The following NXPE2 variants were observed in gnomAD, a reference collection of about 807,000 sequenced individuals.
The protein encoded by NXPE2 is NXPE family member 2.
A neutral mutation model predicts 34.4 loss-of-function variants in NXPE2; 34 were observed. That is an observed-to-expected ratio of 0.99 (90% confidence interval 0.75 to 1.31). The LOEUF is 1.31. NXPE2 is among the 40% of genes most tolerant of loss of function. NXPE2 has a pLI of 0.00. For synonymous variants in NXPE2, 235 were observed against 231.3 expected, an observed-to-expected ratio of 1.02 and a Z score of -0.15; for missense variants, 649 against 672.5, an observed-to-expected ratio of 0.97 and a Z score of 0.39.
chr11:114,625,662 C>T, the NXPE2 span, among the ~76,000 whole-genome samples: 6 of 152,056 alleles, frequency 3.9e-5, no homozygotes, highest in Admixed American at 6.5e-5. Context: ...TATTGCCTCT[C>T]AGGGAGGAGC....
At chr11:114,728,674 G>T in the NXPE2 span, among the ~76,000 whole-genome samples, 1 of 151,888 alleles carries the variant, frequency 6.6e-6, no homozygotes, top group Non-Finnish European at 1.5e-5. Flanking sequence ...CATACTTTAG[G>T]CTTTATGGGA....
At chr11:114,730,256 C>A in the NXPE2 span, among the ~76,000 whole-genome samples, 1 of 151,824 alleles carries the variant, frequency 6.6e-6, no homozygotes, top group Non-Finnish European at 1.5e-5. Context: ...ATTCTATTGG[C>A]CTATGTGTTC....
chr11:114,721,663 C>T, the NXPE2 span, among the ~76,000 whole-genome samples: 2 of 152,022 alleles, frequency 1.3e-5, no homozygotes, highest in Non-Finnish European at 2.9e-5. Flanking sequence ...GGCACTGTGC[C>T]CAGTGTTTTA....
chr11:114,742,297 C>T, the NXPE2 span, among the ~76,000 whole-genome samples: 1 of 152,152 alleles, frequency 6.6e-6, no homozygotes, highest in African/African-American at 2.4e-5. Context: ...AGCCTGGGCC[C>T]AAGCAGCTCA....
chr11:114,504,070 C>G, the NXPE2 span, among the ~76,000 whole-genome samples: 7 of 152,312 alleles, frequency 4.6e-5, no homozygotes, highest in Non-Finnish European at 5.9e-5. Flanking sequence ...GCAAGTTTCC[C>G]CCCTATACTG....
chr11:114,528,542 G>A, the NXPE2 span, among the ~76,000 whole-genome samples: 1 of 152,214 alleles, frequency 6.6e-6, no homozygotes, highest in Non-Finnish European at 1.5e-5. Context: ...GGTAATGTGT[G>A]TGTCTGGTCC....
chr11:114,542,022 G>T, the NXPE2 span, among the ~76,000 whole-genome samples: 21 of 152,060 alleles, frequency 1.4e-4, no homozygotes, highest in Admixed American at 1.2e-3. Context: ...CTATGGCTGT[G>T]GCTATATCAA....
the NXPE2 span, chr11:114,582,794 T>G: frequency 1.9e-6 from 3 of 1,614,086 alleles, no homozygotes; most frequent in Non-Finnish European, 2.5e-6. Flanking sequence ...AGTACGTATC[T>G]CGAGGGTTGA....
chr11:114,775,626 A>G, the NXPE2 span, among the ~76,000 whole-genome samples: 1 of 152,236 alleles, frequency 6.6e-6, no homozygotes, highest in South Asian at 2.1e-4. Flanking sequence ...GGAATGAGTG[A>G]GTGAACGCAA....
At chr11:114,533,846 T>G in the NXPE2 span, among the ~76,000 whole-genome samples, 1 of 152,192 alleles carries the variant, frequency 6.6e-6, no homozygotes, top group Admixed American at 6.5e-5. Context: ...CTCTTTAGGC[T>G]CCACCTCTGG....
the NXPE2 span, among the ~76,000 whole-genome samples, chr11:114,802,106 C>T: frequency 3.9e-5 from 6 of 152,230 alleles, no homozygotes; most frequent in African/African-American, 9.6e-5. Context: ...AAGATTTAAA[C>T]GTCATTTAGA....
the NXPE2 span, among the ~76,000 whole-genome samples, chr11:114,489,280 A>G: frequency 5.3e-5 from 8 of 152,202 alleles, no homozygotes; most frequent in Non-Finnish European, 1.2e-4. Context: ...TACCAGAGGT[A>G]CAAAGAGGAG....
the NXPE2 span, chr11:114,523,037 C>A: frequency 4.3e-6 from 7 of 1,613,748 alleles, no homozygotes; most frequent in Non-Finnish European, 5.9e-6. Flanking sequence ...AGTATAACCA[C>A]CAGGGACAGG....
chr11:114,759,668 T>C, the NXPE2 span, among the ~76,000 whole-genome samples: 1 of 152,230 alleles, frequency 6.6e-6, no homozygotes, highest in African/African-American at 2.4e-5. Context: ...TTTCATAGAG[T>C]AAACTGTATT....
the NXPE2 span, among the ~76,000 whole-genome samples, chr11:114,781,534 G>A: frequency 6.6e-6 from 1 of 152,136 alleles, no homozygotes; most frequent in Non-Finnish European, 1.5e-5. Flanking sequence ...ATGAGTTGGT[G>A]GGAGATAAAA....
the NXPE2 span, among the ~76,000 whole-genome samples, chr11:114,593,104 A>G: frequency 6.6e-6 from 1 of 152,162 alleles, no homozygotes; most frequent in Non-Finnish European, 1.5e-5. Context: ...ACTGTTCAGG[A>G]CACTGATGTA....
chr11:114,808,207 A>G, the NXPE2 span, among the ~76,000 whole-genome samples: 1 of 152,236 alleles, frequency 6.6e-6, no homozygotes, highest in Non-Finnish European at 1.5e-5. Context: ...TGTAGAGGGA[A>G]ATTTGTAGCA....
the NXPE2 span, among the ~76,000 whole-genome samples, chr11:114,720,988 C>G: frequency 6.6e-6 from 1 of 152,084 alleles, no homozygotes; most frequent in South Asian, 2.1e-4. Flanking sequence ...TGAGATAGAT[C>G]CCATTGTTAA....
the NXPE2 span, among the ~76,000 whole-genome samples, chr11:114,812,922 C>T: frequency 1.3e-5 from 2 of 152,154 alleles, no homozygotes; most frequent in Middle Eastern, 3.2e-3. Context: ...GGTAAATCAT[C>T]GGAGATGTCA....
Sources: gnomAD v4.1 joint callset for allele counts (sites outside exome capture counted in the v4.1 genomes callset) on GRCh38, gnomAD v4.1.1 for gene constraint, MANE v1.5 for transcripts, NCBI Gene and HGNC (gene_info 2026-07-23, HGNC 2026-07-21) for gene names.